The following LIPM variants were observed in gnomAD, a reference collection of about 807,000 sequenced individuals.
LIPM encodes the protein lipase member M.
In LIPM, 42 loss-of-function variants were observed where a neutral mutation model predicts 42.4. That is an observed-to-expected ratio of 0.99 (90% CI 0.77 to 1.28). The LOEUF (loss-of-function observed/expected upper bound fraction) is 1.28, where lower values mean the gene tolerates loss of function less well. Ranked by LOEUF, LIPM falls within the 50% of genes most tolerant of loss-of-function variation. LIPM has a pLI of 0.00. For synonymous variants in LIPM, 177 were observed against 173.3 expected (o/e 1.02, Z -0.17); for missense variants, 524 against 520.1 (o/e 1.01, Z -0.07).
At position 88,816,776 on chromosome 10, in the gene LIPM, G is replaced by GT. The variant is rs1273627885; in HGVS notation, c.859-35dup. The GT allele has an allele frequency of 2.8e-6, 4 of 1,421,482 alleles. No homozygotes were observed. The South Asian group carries it at 4.9e-5, about 17-fold the overall frequency. 88.1% of individuals were successfully genotyped at this position (1,421,482 alleles called of 1,614,324 possible). ...TCTTGACAGGGTATACATCTTGTGA[G>GT]TTTTTCTATGTCCCCCAGAATACTC... On this transcript the variant is annotated intron_variant, in intron 6 of 8. Transcript: ENST00000404743.
chr10:88,816,362 GAT>G (rs1843718367), intron 6 of LIPM, among the ~76,000 whole-genome samples: 1 of 152,076 alleles, frequency 6.6e-6, no homozygotes, highest in Non-Finnish European at 1.5e-5. Context: ...TTATAGTAAG[GAT>G]ATGAAAAGTA....
intron 1 of LIPM, chr10:88,805,968 G>A (rs772882294): frequency 1.1e-4 from 49 of 456,504 alleles, no homozygotes; most frequent in Non-Finnish European, 1.7e-4. Flanking sequence ...GATGTCCTAC[G>A]TTGGGCTGAG....
intron 1 of LIPM, among the ~76,000 whole-genome samples, chr10:88,807,522 A>G (rs1221287108): frequency 6.6e-6 from 1 of 152,216 alleles, no homozygotes; most frequent in Non-Finnish European, 1.5e-5. Context: ...AATTTTCCAG[A>G]GAATGTCTAC....
In LIPM at chr10:88,802,983, A is replaced by G; in HGVS notation, c.87A>G (p.Arg29=). 6.4e-7 allele frequency: 1 copy of G among 1,551,476 alleles called. No homozygotes were observed. The highest frequency in any genetic ancestry group is 1.2e-5 in the South Asian group (1 of 84,042). Reference sequence around the variant, plus strand: ...TTCTGGTGGCGTATATGTTCCAGAGAAATGTGAATTCAGTACATATGCCAA... The same window carrying G: ...TTCTGGTGGCGTATATGTTCCAGAGGAATGTGAATTCAGTACATATGCCAA... ...LLILVAYMFQ[R]NVNSVHMPTK... The change falls in exon 1 of 9, where the codon AGA becomes AGG. Residue 29 remains arginine (R), a synonymous_variant. Coordinates refer to ENST00000404743, the MANE Select transcript of LIPM (RefSeq NM_001128215.1).
intron 3 of LIPM, among the ~76,000 whole-genome samples, chr10:88,813,757 G>A (rs1193712269): frequency 6.6e-6 from 1 of 152,160 alleles, no homozygotes; most frequent in Non-Finnish European, 1.5e-5. Flanking sequence ...TCACAGTTCA[G>A]CGGGGCTGGG....
chr10:88,806,897 G>A (rs1046974158), intron 1 of LIPM, among the ~76,000 whole-genome samples: 17 of 151,956 alleles, frequency 1.1e-4, no homozygotes, highest in African/African-American at 4.1e-4. Flanking sequence ...CACCATGTTG[G>A]CCAGGATGGT....
chr10:88,808,910 C>CATTTTATTTT (rs72015280), intron 2 of LIPM, among the ~76,000 whole-genome samples: 2,057 of 135,396 alleles, frequency 0.015, 51 homozygotes, highest in African/African-American at 0.041. Flanking sequence ...TCTATACATA[C>CATTTTATTTT]ATTTTATTTT....
chr10:88,813,713 T>G (rs1225408107), intron 3 of LIPM, among the ~76,000 whole-genome samples: 1 of 152,094 alleles, frequency 6.6e-6, no homozygotes, highest in Non-Finnish European at 1.5e-5. Context: ...TGCCCGAGAC[T>G]AAGTAATTTA....
At chr10:88,805,045 T>G (rs1164824233) in intron 1 of LIPM, among the ~76,000 whole-genome samples, 3 of 152,166 alleles carry the variant, frequency 2.0e-5, no homozygotes, top group Non-Finnish European at 2.9e-5. Flanking sequence ...TGGATTATGG[T>G]CTATCTTATA....
At chr10:88,816,973 G>T in intron 7 of LIPM, 86 bp downstream of exon 7, 1 of 1,000,648 alleles carries the variant, frequency 1.0e-6, no homozygotes, top group Non-Finnish European at 1.5e-6. Context: ...AGATAAGCCA[G>T]GGATTATTTC....
rs746323453 is a variant in LIPM, at chr10:88,802,858, G to A, written c.-39G>A. On this transcript the variant is annotated 5_prime_UTR_variant, in exon 1 of 9. Coordinates refer to ENST00000404743, the MANE Select transcript of LIPM (RefSeq NM_001128215.1). Reference sequence around the variant, plus strand: ...AATTCTTCTTACTTTAGAATTAGTTGTTACATTGGCAGGAAAAAATAAATG... The same window carrying A: ...AATTCTTCTTACTTTAGAATTAGTTATTACATTGGCAGGAAAAAATAAATG... 6.6e-7 allele frequency: 1 copy of A among 1,512,426 alleles called. No individual in the cohort carries two copies. Among genetic ancestry groups the A allele is most frequent in the South Asian group, 1.3e-5 (1 of 77,702 alleles). The allele number at this position is 1,512,426 out of a possible 1,614,324, so 93.7% of individuals were successfully genotyped here.
chr10:88,820,212 G>T lies in LIPM; in HGVS notation c.1003-20G>T. The T allele has an allele frequency of 6.5e-7, 1 of 1,537,914 alleles. No individual in the cohort carries two copies. The highest frequency in any genetic ancestry group is 8.8e-7 in the Non-Finnish European group (1 of 1,141,378). ...AAGTCCAAATGTTACCTAGAGTTAA[G>T]AACTATTCCTTTTCTCTAGCCAACT... On this transcript the variant is annotated intron_variant, in intron 8 of 8. Transcript: ENST00000404743.
chr10:88,817,009 T>A, intron 7 of LIPM, 122 bp downstream of exon 7: 1 of 740,944 alleles, frequency 1.3e-6, no homozygotes, highest in Non-Finnish European at 2.3e-6. Context: ...TGAAATGCAG[T>A]ATCGTCGATG....
chr10:88,810,250 C>T (rs566194268), intron 2 of LIPM, among the ~76,000 whole-genome samples: 4 of 152,298 alleles, frequency 2.6e-5, no homozygotes, highest in Admixed American at 1.3e-4. Context: ...CACAGCCCCA[C>T]GAATCTCAGG....
intron 2 of LIPM, 134 bp from the exon 3 acceptor site, chr10:88,812,963 A>G (rs2133056816): frequency 4.1e-6 from 3 of 723,574 alleles, no homozygotes; most frequent in South Asian, 3.8e-5. Flanking sequence ...GTAATTGGCC[A>G]AGATAACTAA....
chr10:88,820,453 G>A lies in LIPM; in HGVS notation c.1224G>A (p.Gln408=). 6.4e-7 allele frequency: 1 copy of A among 1,551,860 alleles called. No individual in the cohort carries two copies. Among genetic ancestry groups the A allele is most frequent in the African/African-American group, 1.4e-5 (1 of 73,150 alleles). ...ACAATGAAATCATCCATCTGATGCA[G>A]CAGGAGGAGACCAACCTTTCCCAGG... is the stretch of plus-strand genomic sequence containing the variant. ...RMYNEIIHLM[Q]QEETNLSQGR... The change falls in exon 9 of 9, where the codon CAG becomes CAA. Residue 408 remains glutamine, a synonymous_variant. Coordinates refer to ENST00000404743, the MANE Select transcript of LIPM (RefSeq NM_001128215.1).
At chr10:88,803,152 G>A in intron 1 of LIPM, 109 bp downstream of exon 1, 2 of 1,226,514 alleles carry the variant, frequency 1.6e-6, no homozygotes, top group South Asian at 1.5e-5. Context: ...CATACTAGAA[G>A]AGCATAGTGA....
At position 88,808,428 on chromosome 10, in the gene LIPM, C is replaced by A. The variant is rs1208753996; in HGVS notation, c.265+13C>A. On this transcript the variant is annotated intron_variant, in intron 2 of 8. Transcript: ENST00000404743. ...CCTAAGAAGACAGGTGTGGGTCACC[C>A]CATGTCACCGCAACACAGCAGTCTT... is the stretch of plus-strand genomic sequence containing the variant. 12 of 1,405,230 alleles carry A rather than the reference C, an allele frequency of 8.5e-6. No homozygotes were observed. The highest frequency in any genetic ancestry group is 1.1e-5 in the Non-Finnish European group (11 of 1,013,360). 87.0% of individuals were successfully genotyped at this position (1,405,230 alleles called of 1,614,324 possible).
chr10:88,810,480 A>G (rs1376574737), intron 2 of LIPM, among the ~76,000 whole-genome samples: 1 of 150,890 alleles, frequency 6.6e-6, no homozygotes, highest in African/African-American at 2.4e-5. Context: ...TGTTGTTGGC[A>G]TGTGCCTCTT....
Sources: gnomAD v4.1 joint callset for allele counts (sites outside exome capture counted in the v4.1 genomes callset) on GRCh38, gnomAD v4.1.1 for gene constraint, MANE v1.5 for transcripts, NCBI Gene and HGNC (gene_info 2026-07-23, HGNC 2026-07-21) for gene names.